NPRL3: variants seen among roughly 807,000 people sequenced by gnomAD.
NPRL3 encodes the protein NPR3 like, GATOR1 complex subunit.
Under a neutral mutation model 57.2 loss-of-function variants are expected in NPRL3, and 23 were observed. The observed-to-expected ratio is 0.40, with a 90% CI of 0.29 to 0.57. The LOEUF (loss-of-function observed/expected upper bound fraction) is 0.57. Among genes scored for constraint, NPRL3 ranks in the 20% least tolerant of loss-of-function variants. The pLI is 0.42. For missense variants in NPRL3, 691 were observed against 767.1 expected (o/e 0.90, Z 1.17); for synonymous variants, 333 against 321.1 (o/e 1.04, Z -0.39).
At chr16:119,757 G>A (rs899313261) in intron 3 of NPRL3, among the ~76,000 whole-genome samples, 2 of 152,242 alleles carry the variant, frequency 1.3e-5, no homozygotes, top group African/African-American at 4.8e-5. Context: ...CGTGCAGAGC[G>A]CTGACTTCCT....
At chr16:136,274 G>C (rs190871618) in intron 2 of NPRL3, among the ~76,000 whole-genome samples, 1 of 152,344 alleles carries the variant, frequency 6.6e-6, no homozygotes, top group East Asian at 1.9e-4. Flanking sequence ...CACCGTGGCC[G>C]GTAAGAAGGA....
At chr16:95,858 C>A (rs940806100) in intron 9 of NPRL3, among the ~76,000 whole-genome samples, 2 of 152,234 alleles carry the variant, frequency 1.3e-5, no homozygotes, top group African/African-American at 4.8e-5. Context: ...GCATGAGCCA[C>A]TGCACCCAGC....
At chr16:116,012 A>C (rs1900017942) in intron 5 of NPRL3, among the ~76,000 whole-genome samples, 1 of 152,250 alleles carries the variant, frequency 6.6e-6, no homozygotes, top group Admixed American at 6.5e-5. Flanking sequence ...ACGCAGTTGT[A>C]AAAGTTGCTT....
Position 98,246 on chromosome 16 carries a change from G to C in NPRL3, c.823C>G (p.Pro275Ala), listed in dbSNP as rs1331924887. 6.2e-7 allele frequency: 1 copy of C among 1,614,000 alleles called. No individual in the cohort carries two copies. Among genetic ancestry groups the C allele is most frequent in the South Asian group, 1.1e-5 (1 of 91,088 alleles). ...SDEKSLLGEL[P>A]IDCSPALVRV... ...ACTAGGGCAGGGGAGCAGTCAATAG[G>C]AAGCTCACCCAGCAAGGACTTCTCA... Residue 275 changes from proline to alanine, a missense_variant, in exon 9 of 14, where the codon CCT (proline) becomes GCT (alanine). Coordinates refer to ENST00000611875, the MANE Select transcript of NPRL3 (RefSeq NM_001077350.3).
At chr16:135,346 C>T (rs1901021467) in intron 2 of NPRL3, among the ~76,000 whole-genome samples, 1 of 152,112 alleles carries the variant, frequency 6.6e-6, no homozygotes, top group Non-Finnish European at 1.5e-5. Context: ...AAGACAAACA[C>T]ATTTAAAAAC....
intron 11 of NPRL3, 126 bp downstream of exon 11, chr16:92,470 C>T (rs930450229): frequency 6.5e-6 from 8 of 1,234,558 alleles, no homozygotes; most frequent in Admixed American, 2.2e-5. Context: ...GCACGGCAAG[C>T]CCCCAAAACC....
intron 8 of NPRL3, among the ~76,000 whole-genome samples, chr16:99,728 G>A (rs1419950818): frequency 6.6e-6 from 1 of 150,632 alleles, no homozygotes. Flanking sequence ...TCAGGAGTTC[G>A]AGACCAGTCT....
intron 13 of NPRL3, 49 bp downstream of exon 13, chr16:88,649 C>T (rs1898608051): frequency 2.6e-6 from 4 of 1,530,982 alleles, no homozygotes; most frequent in Non-Finnish European, 3.6e-6. Context: ...CCACTTTCTG[C>T]CCTGACCCTG....
chr16:127,127 C>G (rs1392440473), intron 3 of NPRL3: 1 of 152,486 alleles, frequency 6.6e-6, no homozygotes, highest in Non-Finnish European at 1.5e-5. Context: ...CTACCTCAGT[C>G]TCCCAAAGTG....
intron 2 of NPRL3, among the ~76,000 whole-genome samples, chr16:131,618 A>AAAC (rs1327040167): frequency 6.6e-6 from 1 of 150,514 alleles, no homozygotes; most frequent in African/African-American, 2.5e-5. Context: ...AAAAAAAAAA[A>AAAC]ACGCTAACAA....
In NPRL3 at chr16:130,632, G is replaced by A. The variant is rs1337982589; in HGVS notation, c.119-41C>T. ...AAGAGGGGAAGGGCTAAGAAAACAGGGTCCTTCCACACACAGGAGGGTTAT... is the reference window on the plus strand; with the variant it reads ...AAGAGGGGAAGGGCTAAGAAAACAGAGTCCTTCCACACACAGGAGGGTTAT... On this transcript the variant is annotated intron_variant, in intron 2 of 13. Coordinates refer to ENST00000611875, the MANE Select transcript of NPRL3 (RefSeq NM_001077350.3). 4 of 1,540,658 alleles carry A rather than the reference G, an allele frequency of 2.6e-6. No individual in the cohort carries two copies. The South Asian group carries it at 4.8e-5, about 18-fold the overall frequency.
chr16:113,580 G>A (rs1567140324), intron 5 of NPRL3, among the ~76,000 whole-genome samples: 1 of 152,192 alleles, frequency 6.6e-6, no homozygotes, highest in Non-Finnish European at 1.5e-5. Flanking sequence ...AGCTGTGGGG[G>A]TCTGTGAAAA....
chr16:136,827 C>A (rs1007255931), intron 2 of NPRL3, among the ~76,000 whole-genome samples: 3 of 151,938 alleles, frequency 2.0e-5, no homozygotes, highest in Non-Finnish European at 2.9e-5. Flanking sequence ...AAAGAACTTT[C>A]TTTTCATAAT....
intron 3 of NPRL3, among the ~76,000 whole-genome samples, chr16:120,668 T>C (rs1403808433): frequency 6.6e-6 from 1 of 152,168 alleles, no homozygotes; most frequent in South Asian, 2.1e-4. Context: ...CCCAGTCAGG[T>C]TGCAGTTGGA....
chr16:130,666 T>C, intron 2 of NPRL3, 75 bp from the exon 3 acceptor site: 3 of 1,401,348 alleles, frequency 2.1e-6, no homozygotes, highest in East Asian at 5.0e-5. Context: ...ATGGAACCGT[T>C]AACAGCCATG....
chr16:89,022 A>AATGCTTGCAG, intron 12 of NPRL3, 132 bp from the exon 13 acceptor site: 2 of 786,620 alleles, frequency 2.5e-6, no homozygotes, highest in Non-Finnish European at 4.1e-6. Context: ...TCTGCCTGCA[A>AATGCTTGCAG]GCATTCGCTG....
chr16:138,389 G>T, intron 1 of NPRL3, 55 bp from the exon 2 acceptor site: 1 of 719,716 alleles, frequency 1.4e-6, no homozygotes. Context: ...AGGCGGGGAC[G>T]CAGGGGGCCT....
At chr16:105,658 A>G (rs1454370082) in intron 7 of NPRL3, among the ~76,000 whole-genome samples, 2 of 150,760 alleles carry the variant, frequency 1.3e-5, no homozygotes, top group African/African-American at 4.9e-5. Context: ...CCATTCAGCA[A>G]ATCACTTCTT....
intron 2 of NPRL3, among the ~76,000 whole-genome samples, chr16:137,613 G>A (rs1181283252): frequency 2.0e-5 from 3 of 151,242 alleles, no homozygotes; most frequent in Non-Finnish European, 4.4e-5. Flanking sequence ...CCAGTGGCGC[G>A]ATCTCGGTTC....
Sources: allele counts gnomAD v4.1 joint callset (sites outside exome capture counted in the v4.1 genomes callset), GRCh38; gene constraint gnomAD v4.1.1; transcripts MANE v1.5; gene names NCBI Gene and HGNC (gene_info 2026-07-23, HGNC 2026-07-21).